The following VWC2L variants were observed in gnomAD, a reference collection of about 807,000 sequenced individuals.
The protein encoded by VWC2L is von Willebrand factor C domain containing 2 like.
In VWC2L, 10 loss-of-function variants were observed where a neutral mutation model predicts 21.6. That is an observed-to-expected ratio of 0.46 (90% CI 0.29 to 0.78). The LOEUF (loss-of-function observed/expected upper bound fraction) is 0.78, where lower values mean the gene tolerates loss of function less well. VWC2L is among the 30% of genes least tolerant of loss of function. VWC2L has a pLI of 0.10. For missense variants in VWC2L, 209 were observed against 277.1 expected, an observed-to-expected ratio of 0.75 and a Z score of 1.74; for synonymous variants, 96 against 94.3, an observed-to-expected ratio of 1.02 and a Z score of -0.10.
At chr2:214,504,750 C>T (rs546628467) in intron 3 of VWC2L, among the ~76,000 whole-genome samples, 3 of 150,338 alleles carry the variant, frequency 2.0e-5, no homozygotes, top group East Asian at 2.1e-4. Context: ...TACTTCATAA[C>T]GTTCATTATT....
intron 3 of VWC2L, among the ~76,000 whole-genome samples, chr2:214,529,859 G>C (rs12467482): frequency 0.42 from 64,245 of 151,948 alleles, 14,191 homozygotes; most frequent in East Asian, 0.73. Context: ...TCATGCTTAC[G>C]CTCATATACT....
At chr2:214,530,740 G>C (rs181326012) in intron 3 of VWC2L, among the ~76,000 whole-genome samples, 1 of 152,172 alleles carries the variant, frequency 6.6e-6, no homozygotes, top group African/African-American at 2.4e-5. Flanking sequence ...AGTTATATCT[G>C]CTTTCAGCCC....
At chr2:214,501,115 A>T (rs1239044023) in intron 3 of VWC2L, among the ~76,000 whole-genome samples, 1 of 152,194 alleles carries the variant, frequency 6.6e-6, no homozygotes, top group East Asian at 1.9e-4. Flanking sequence ...GTAAGCCAAT[A>T]CTAAACCCCC....
rs550188391 is a variant in VWC2L at position 214,412,919 on chromosome 2, AT to A, written c.-81+1134del. Among the ~76,000 whole-genome samples the A allele has an allele frequency of 4.0e-3, 602 of 152,196 alleles. 3 individuals are homozygous for A. Among genetic ancestry groups the A allele is most frequent in the African/African-American group, 0.014 (580 of 41,576 alleles). On this transcript the variant is annotated intron_variant, in intron 1 of 3. Coordinates refer to ENST00000312504, the MANE Select transcript of VWC2L (RefSeq NM_001080500.4). ...AAGCCAATAGCATTTAAATAAAAAA[AT>A]GAGCTATTTGACAATACTTTTTCTT... is the stretch of plus-strand genomic sequence containing the variant.
chr2:214,431,644 C>A (rs1702602733), intron 2 of VWC2L, among the ~76,000 whole-genome samples: 1 of 152,144 alleles, frequency 6.6e-6, no homozygotes, highest in African/African-American at 2.4e-5. Flanking sequence ...TGTTGTTGGG[C>A]TTTGTACTCT....
intron 3 of VWC2L, among the ~76,000 whole-genome samples, chr2:214,553,334 C>T (rs1689824273): frequency 6.6e-6 from 1 of 152,226 alleles, no homozygotes; most frequent in South Asian, 2.1e-4. Context: ...CCAAAGTGAT[C>T]AGGCTACAGC....
intron 3 of VWC2L, among the ~76,000 whole-genome samples, chr2:214,523,436 GT>G (rs1272769633): frequency 2.0e-5 from 3 of 152,166 alleles, no homozygotes; most frequent in Admixed American, 2.0e-4. Flanking sequence ...AGAAAGGAAA[GT>G]ATTTTAGAAA....
At chr2:214,526,737 A>T (rs12990191) in intron 3 of VWC2L, among the ~76,000 whole-genome samples, 8,383 of 152,312 alleles carry the variant, frequency 0.055, 304 homozygotes, top group Admixed American at 0.089. Context: ...AAGAAAAAAG[A>T]ACGCTTATAC....
At chr2:214,561,229 T>C (rs187225573) in intron 3 of VWC2L, among the ~76,000 whole-genome samples, 36 of 152,270 alleles carry the variant, frequency 2.4e-4, no homozygotes, top group African/African-American at 8.2e-4. Context: ...CTGATACGGA[T>C]GCAGTTGATC....
At chr2:214,564,590 G>T (rs1238114103) in intron 3 of VWC2L, among the ~76,000 whole-genome samples, 3 of 152,168 alleles carry the variant, frequency 2.0e-5, no homozygotes, top group Non-Finnish European at 2.9e-5. Flanking sequence ...TATTGTCAAA[G>T]AAACGGGGAG....
chr2:214,426,271 A>C (rs540350139), intron 2 of VWC2L, among the ~76,000 whole-genome samples: 34 of 152,234 alleles, frequency 2.2e-4, no homozygotes, highest in African/African-American at 8.2e-4. Context: ...AGTTTAGACA[A>C]AATTGGAACG....
chr2:214,514,937 T>C (rs1456139082), intron 3 of VWC2L, among the ~76,000 whole-genome samples: 2 of 152,218 alleles, frequency 1.3e-5, no homozygotes, highest in Non-Finnish European at 2.9e-5. Flanking sequence ...ACATACATCA[T>C]CTAGGGCTGC....
intron 3 of VWC2L, among the ~76,000 whole-genome samples, chr2:214,441,056 A>G (rs1370606363): frequency 6.6e-6 from 1 of 152,210 alleles, no homozygotes; most frequent in Admixed American, 6.5e-5. Flanking sequence ...AAGTTGTCAC[A>G]AGCCCTGTTC....
Position 214,578,798 on chromosome 2 carries a change from T to C in VWC2L, c.*2978T>C, listed in dbSNP as rs1228369287. 1 of 151,898 alleles carries C rather than the reference T, an allele frequency of 6.6e-6. No homozygotes were observed. Among genetic ancestry groups the C allele is most frequent in the Non-Finnish European group, 1.5e-5 (1 of 67,976 alleles). The allele number at this position is 151,898 out of a possible 1,614,324, so 9.4% of individuals were successfully genotyped here. Reference sequence around the variant, plus strand: ...CATCTTGTTTGTCAGCTGATGCCTATTAAAAACGATTCAGTTTCTAAAATC... The same window carrying C: ...CATCTTGTTTGTCAGCTGATGCCTACTAAAAACGATTCAGTTTCTAAAATC... On this transcript the variant is annotated 3_prime_UTR_variant, in exon 4 of 4. Transcript: ENST00000312504.
intron 3 of VWC2L, among the ~76,000 whole-genome samples, chr2:214,571,996 G>A (rs1299870566): frequency 1.3e-5 from 2 of 151,942 alleles, no homozygotes; most frequent in Non-Finnish European, 2.9e-5. Context: ...TGCCCAGGCT[G>A]GTCTCAAACT....
chr2:214,518,649 T>C (rs1689182658), intron 3 of VWC2L, among the ~76,000 whole-genome samples: 1 of 152,198 alleles, frequency 6.6e-6, no homozygotes, highest in Non-Finnish European at 1.5e-5. Context: ...TTTTCTACTT[T>C]CGAATACCTC....
intron 3 of VWC2L, among the ~76,000 whole-genome samples, chr2:214,541,912 GTT>G (rs60542340): frequency 6.7e-6 from 1 of 148,234 alleles, no homozygotes; most frequent in African/African-American, 2.5e-5. Flanking sequence ...ACTGTTTACT[GTT>G]TTTTTTTTTC....
chr2:214,429,943 C>A (rs991796364), intron 2 of VWC2L, among the ~76,000 whole-genome samples: 31 of 152,214 alleles, frequency 2.0e-4, no homozygotes, highest in African/African-American at 7.5e-4. Flanking sequence ...ACTGCCTCAG[C>A]CTTCCGAGTA....
intron 3 of VWC2L, among the ~76,000 whole-genome samples, chr2:214,575,014 C>A: frequency 7.0e-6 from 1 of 142,038 alleles, no homozygotes; most frequent in South Asian, 2.2e-4. Flanking sequence ...TTCAAAAGCC[C>A]ACTATTTTGG....
Sources: gnomAD v4.1 joint callset for allele counts (sites outside exome capture counted in the v4.1 genomes callset) on GRCh38, gnomAD v4.1.1 for gene constraint, MANE v1.5 for transcripts, NCBI Gene and HGNC (gene_info 2026-07-23, HGNC 2026-07-21) for gene names.